BACH2: variants seen among roughly 807,000 people sequenced by gnomAD.
The protein encoded by BACH2 is BACH transcriptional regulator 2, also known as transcription regulator protein BACH2.
A neutral mutation model predicts 61.8 loss-of-function variants in BACH2; 5 were observed. The ratio of observed to expected loss-of-function variants is 0.08; its 90% CI spans 0.04 to 0.17. BACH2 has a LOEUF of 0.17. Among genes scored for constraint, BACH2 ranks in the 10% least tolerant of loss-of-function variants. BACH2 has a pLI of 1.00. For synonymous variants in BACH2, 446 were observed against 440.1 expected, an observed-to-expected ratio of 1.01 and a Z score of -0.17; for missense variants, 824 against 1,091.1, an observed-to-expected ratio of 0.76 and a Z score of 3.45.
intron 4 of BACH2, among the ~76,000 whole-genome samples, chr6:90,191,206 G>A (rs1274663555): frequency 1.3e-5 from 2 of 152,218 alleles, no homozygotes; most frequent in Non-Finnish European, 2.9e-5. Flanking sequence ...GTGTGAGAGT[G>A]TGAAGTAGAA....
At chr6:89,957,158 A>G (rs1774469059) in intron 6 of BACH2, among the ~76,000 whole-genome samples, 1 of 152,218 alleles carries the variant, frequency 6.6e-6, no homozygotes, top group Non-Finnish European at 1.5e-5. Context: ...AAATGATGAA[A>G]GCAATGCTGG....
At chr6:90,196,321 A>C (rs910189773) in intron 4 of BACH2, among the ~76,000 whole-genome samples, 2 of 152,216 alleles carry the variant, frequency 1.3e-5, no homozygotes, top group Non-Finnish European at 2.9e-5. Flanking sequence ...ATTTTTCATA[A>C]TGAATGTTTT....
At chr6:90,143,515 A>C (rs1355141690) in intron 4 of BACH2, among the ~76,000 whole-genome samples, 1 of 152,138 alleles carries the variant, frequency 6.6e-6, no homozygotes, top group Non-Finnish European at 1.5e-5. Flanking sequence ...AGCAGTATGA[A>C]AAAGGCCAAA....
intron 4 of BACH2, among the ~76,000 whole-genome samples, chr6:90,090,425 T>C (rs1332025297): frequency 3.3e-5 from 5 of 152,194 alleles, no homozygotes; most frequent in Non-Finnish European, 5.9e-5. Context: ...TGCACCAATT[T>C]ATATTTTTTT....
chr6:90,128,672 G>C (rs1582398519), intron 4 of BACH2, among the ~76,000 whole-genome samples: 1 of 152,152 alleles, frequency 6.6e-6, no homozygotes, highest in Non-Finnish European at 1.5e-5. Flanking sequence ...CAGGGATCTA[G>C]AACTAGAAAT....
intron 5 of BACH2, among the ~76,000 whole-genome samples, chr6:90,055,988 G>C (rs1373478997): frequency 6.6e-6 from 1 of 152,132 alleles, no homozygotes; most frequent in African/African-American, 2.4e-5. Context: ...ACATGGAAAG[G>C]AACAACTGGT....
At chr6:90,277,593 TA>T (rs1220748948) in intron 1 of BACH2, among the ~76,000 whole-genome samples, 4 of 152,234 alleles carry the variant, frequency 2.6e-5, no homozygotes, top group Non-Finnish European at 5.9e-5. Context: ...AATTCGTCAG[TA>T]AGATGAATAT....
intron 4 of BACH2, among the ~76,000 whole-genome samples, chr6:90,130,939 C>T (rs1189514070): frequency 5.3e-5 from 8 of 152,146 alleles, no homozygotes; most frequent in African/African-American, 1.7e-4. Context: ...TTTGTGAGAA[C>T]TGAATAAGGT....
chr6:90,065,124 T>TG (rs1405095434), intron 5 of BACH2, among the ~76,000 whole-genome samples: 3 of 148,520 alleles, frequency 2.0e-5, no homozygotes, highest in African/African-American at 7.4e-5. Flanking sequence ...AGCAGAAACT[T>TG]GGAGAAAAAA....
chr6:90,156,783 ACGGAG>A (rs1785008792), intron 4 of BACH2, among the ~76,000 whole-genome samples: 2 of 152,174 alleles, frequency 1.3e-5, no homozygotes, highest in Non-Finnish European at 2.9e-5. Context: ...ATGAAACAAC[ACGGAG>A]TAACTCTTGC....
intron 3 of BACH2, among the ~76,000 whole-genome samples, chr6:90,242,549 G>A (rs902062566): frequency 9.2e-5 from 14 of 152,158 alleles, no homozygotes; most frequent in African/African-American, 2.7e-4. Context: ...ATCAAGATTC[G>A]CATGCAGGTT....
chr6:89,992,224 T>C (rs1776615057), intron 6 of BACH2, among the ~76,000 whole-genome samples: 1 of 152,230 alleles, frequency 6.6e-6, no homozygotes, highest in Non-Finnish European at 1.5e-5. Flanking sequence ...AAATCACACA[T>C]ATATATTTAT....
intron 3 of BACH2, among the ~76,000 whole-genome samples, chr6:90,209,099 C>T (rs969028864): frequency 5.3e-5 from 8 of 151,896 alleles, no homozygotes; most frequent in African/African-American, 1.5e-4. Flanking sequence ...AAATACCTTA[C>T]GTAAATGATG....
At chr6:90,000,430 C>T (rs773607377) in intron 6 of BACH2, among the ~76,000 whole-genome samples, 1 of 152,118 alleles carries the variant, frequency 6.6e-6, no homozygotes. Flanking sequence ...GTCTTACTAA[C>T]GCAACTTGGA....
intron 5 of BACH2, among the ~76,000 whole-genome samples, chr6:90,031,364 CAGG>C (rs1778972844): frequency 6.6e-6 from 1 of 152,052 alleles, no homozygotes; most frequent in South Asian, 2.1e-4. Context: ...GGCAACCAGG[CAGG>C]AGAAGGAAAT....
In BACH2 at chr6:90,296,797, G is replaced by A; in HGVS notation, c.-763C>T. On this transcript the variant is annotated 5_prime_UTR_variant, in exon 1 of 9. Transcript: ENST00000257749. The stretch of plus-strand genomic sequence containing the variant: ...GGCGTGCACGGCCGCTGCTGCCGCT[G>A]CTGCTGCTGCTGCTGCTGCTGAGGC... 1 of 158,332 alleles carries A rather than the reference G, an allele frequency of 6.3e-6. No homozygotes were observed. The highest frequency in any genetic ancestry group is 1.3e-5 in the Non-Finnish European group (1 of 74,546). The allele number at this position is 158,332 out of a possible 1,614,324, so 9.8% of individuals were successfully genotyped here.
chr6:90,211,404 G>C (rs1461030341), intron 3 of BACH2, among the ~76,000 whole-genome samples: 1 of 152,004 alleles, frequency 6.6e-6, no homozygotes, highest in African/African-American at 2.4e-5. Flanking sequence ...CAGCAAATGG[G>C]AGTTGGAGAA....
chr6:90,279,984 A>AG lies in BACH2; in HGVS notation c.-445-8044dup, dbSNP rs1257648400. ...TGAGCTTGTTAGTCATGGCCTTTTG[A>AG]GGGGAAAAAGGTAAAACTATTTTAC... On this transcript the variant is annotated intron_variant, in intron 1 of 8. Coordinates refer to ENST00000257749, the MANE Select transcript of BACH2 (RefSeq NM_021813.4). Among the ~76,000 whole-genome samples the AG allele has an allele frequency of 2.6e-5, 4 of 152,294 alleles. No homozygotes were observed. In the East Asian group the frequency reaches 7.7e-4, roughly 29 times the overall value.
At position 89,932,208 on chromosome 6, in the gene BACH2, T is replaced by A; in HGVS notation, c.*200A>T. 2.8e-6 allele frequency: 2 copies of A among 704,858 alleles called. No individual in the cohort carries two copies. Among genetic ancestry groups the A allele is most frequent in the South Asian group, 3.9e-5 (2 of 51,036 alleles). The allele number at this position is 704,858 out of a possible 1,614,324, so 43.7% of individuals were successfully genotyped here. A position where few individuals can be genotyped will look rare whatever the true frequency, so the allele number is the denominator to read the frequency against. On this transcript the variant is annotated 3_prime_UTR_variant, in exon 9 of 9. Coordinates refer to ENST00000257749, the MANE Select transcript of BACH2 (RefSeq NM_021813.4). ...TGTCTTTCCTTGCCTGGGCAAGGGG[T>A]AGCACCATTGTGAAGGTAACTATCA...
Sources: allele counts gnomAD v4.1 joint callset (sites outside exome capture counted in the v4.1 genomes callset), GRCh38; gene constraint gnomAD v4.1.1; transcripts MANE v1.5; gene names NCBI Gene and HGNC (gene_info 2026-07-23, HGNC 2026-07-21).